SFMBT1: variants seen among roughly 807,000 people sequenced by gnomAD.
SFMBT1 encodes scm-like with four MBT domains protein 1.
Under a neutral mutation model 108.7 loss-of-function variants are expected in SFMBT1, and 32 were observed. The observed-to-expected ratio is 0.29, with a 90% CI of 0.22 to 0.40. The LOEUF is 0.40. Ranked by LOEUF, SFMBT1 falls within the 10% of genes least tolerant of loss-of-function variation. The pLI is 1.00. For missense variants in SFMBT1, 816 were observed against 1,059.6 expected (o/e 0.77, Z 3.19); for synonymous variants, 348 against 369.5 (o/e 0.94, Z 0.67).
At chr3:52,981,798 T>G (rs1430579816) in intron 1 of SFMBT1, among the ~76,000 whole-genome samples, 1 of 152,120 alleles carries the variant, frequency 6.6e-6, no homozygotes, top group East Asian at 1.9e-4. Context: ...ATAGGCTAAC[T>G]TGACTATTTT....
chr3:53,016,249 T>TAC (rs1699120553), intron 1 of SFMBT1, among the ~76,000 whole-genome samples: 1 of 152,034 alleles, frequency 6.6e-6, no homozygotes, highest in Non-Finnish European at 1.5e-5. Context: ...CACCAGACAC[T>TAC]ACTACACTCT....
At chr3:52,906,979 A>AT (rs1702079226) in intron 19 of SFMBT1, 90 bp downstream of exon 19, 2 of 1,451,536 alleles carry the variant, frequency 1.4e-6, no homozygotes, top group Admixed American at 2.3e-5. Flanking sequence ...GTATTGAAAG[A>AT]AGTAGAATGT....
chr3:53,036,759 G>A (rs1234831947), intron 1 of SFMBT1, among the ~76,000 whole-genome samples: 2 of 152,224 alleles, frequency 1.3e-5, no homozygotes, highest in Non-Finnish European at 2.9e-5. Flanking sequence ...AGAAAGGTCT[G>A]CCTCAAGACA....
rs147844858 is a variant in SFMBT1 at position 53,034,913 on chromosome 3, T to G, written c.-131+10903A>C. Among the ~76,000 whole-genome samples the G allele has an allele frequency of 6.6e-4, 101 of 152,378 alleles. 1 individual carries two copies. The highest frequency in any genetic ancestry group is 2.3e-3 in the African/African-American group (97 of 41,594). ...AAGATCGAGCCACTGCACTCCAGTC[T>G]GGGCGACAGAGCGAGACTCTGTCTC... On this transcript the variant is annotated intron_variant, in intron 1 of 20. Transcript: ENST00000394752.
At chr3:52,955,312 C>G (rs1703742857) in intron 2 of SFMBT1, among the ~76,000 whole-genome samples, 1 of 152,006 alleles carries the variant, frequency 6.6e-6, no homozygotes, top group Admixed American at 6.6e-5. Context: ...ACTCAGGAGA[C>G]TGAGTCAGGA....
intron 4 of SFMBT1, among the ~76,000 whole-genome samples, chr3:52,940,768 C>T (rs938234546): frequency 1.3e-5 from 2 of 152,192 alleles, no homozygotes; most frequent in African/African-American, 4.8e-5. Flanking sequence ...AAGACACTAA[C>T]TAAAAAGCAA....
chr3:52,960,412 T>C (rs372215207), intron 2 of SFMBT1, among the ~76,000 whole-genome samples: 1 of 152,264 alleles, frequency 6.6e-6, no homozygotes, highest in East Asian at 1.9e-4. Context: ...TTACTAATCA[T>C]TAGGGAAATG....
At chr3:53,037,409 G>A (rs1699901659) in intron 1 of SFMBT1, among the ~76,000 whole-genome samples, 1 of 152,198 alleles carries the variant, frequency 6.6e-6, no homozygotes, top group Non-Finnish European at 1.5e-5. Context: ...GAAGATCTAA[G>A]CCTGTTTCCC....
chr3:52,928,653 TACACATATATACATATATACACACACAC>T (rs1702759484), intron 8 of SFMBT1, among the ~76,000 whole-genome samples: 1 of 18,034 alleles, frequency 5.5e-5, no homozygotes, highest in African/African-American at 1.0e-4. Context: ...TATATATATA[TACACATATATACATATATACACACACAC>T]ACATATATAT....
intron 1 of SFMBT1, among the ~76,000 whole-genome samples, chr3:53,030,703 A>AC (rs1699656218): frequency 6.6e-6 from 1 of 151,414 alleles, no homozygotes; most frequent in Admixed American, 6.6e-5. Flanking sequence ...AAAAAAAAAA[A>AC]AAATCTACTT....
rs997739173 is a variant in SFMBT1 at position 52,904,426 on chromosome 3, T to G, written c.*710A>C. ...AATGTTTTTAAGAAAGCAAACAGTT[T>G]CCCCCCCTCCAAATTCTGTCATAAT... On this transcript the variant is annotated 3_prime_UTR_variant, in exon 21 of 21. Coordinates refer to ENST00000394752, the MANE Select transcript of SFMBT1 (RefSeq NM_016329.4). The G allele has an allele frequency of 2.6e-5, 4 of 151,892 alleles. No individual in the cohort carries two copies. The highest frequency in any genetic ancestry group is 1.3e-4 in the Admixed American group (2 of 15,236). 9.4% of individuals were successfully genotyped at this position (151,892 alleles called of 1,614,324 possible). A position where few individuals can be genotyped will look rare whatever the true frequency, so the allele number is the denominator to read the frequency against.
chr3:52,910,732 G>T (rs987354825), intron 17 of SFMBT1, among the ~76,000 whole-genome samples: 2 of 151,938 alleles, frequency 1.3e-5, no homozygotes, highest in Non-Finnish European at 2.9e-5. Context: ...CAAGTGATCC[G>T]CCTGCCTCGG....
intron 1 of SFMBT1, among the ~76,000 whole-genome samples, chr3:53,031,175 G>T (rs1699672814): frequency 6.6e-6 from 1 of 152,172 alleles, no homozygotes; most frequent in Non-Finnish European, 1.5e-5. Flanking sequence ...ATTAACAACA[G>T]TGGGAGGCAA....
intron 4 of SFMBT1, among the ~76,000 whole-genome samples, chr3:52,942,618 T>C (rs1403033318): frequency 6.6e-6 from 1 of 152,224 alleles, no homozygotes; most frequent in Non-Finnish European, 1.5e-5. Flanking sequence ...GTTCAAGTGA[T>C]TCTCCTGCCT....
At chr3:52,914,905 G>A (rs1702307241) in intron 14 of SFMBT1, among the ~76,000 whole-genome samples, 1 of 152,192 alleles carries the variant, frequency 6.6e-6, no homozygotes, top group African/African-American at 2.4e-5. Context: ...CCAGTTTTAT[G>A]TCTATTCTGG....
intron 8 of SFMBT1, chr3:52,928,635 T>TATATATAC (rs1445772533): frequency 1.2e-4 from 5 of 43,006 alleles, no homozygotes; most frequent in Non-Finnish European, 1.4e-4. Flanking sequence ...TACATATATA[T>TATATATAC]ACATATATAT....
At chr3:52,998,837 T>C (rs1698434369) in intron 1 of SFMBT1, among the ~76,000 whole-genome samples, 1 of 150,658 alleles carries the variant, frequency 6.6e-6, no homozygotes, top group African/African-American at 2.4e-5. Context: ...CAGCTACCAC[T>C]GCAAGGGCCT....
Position 53,004,246 on chromosome 3 carries a change from TTTC to T in SFMBT1, c.-130-34991_-130-34989del, listed in dbSNP as rs200845588. Among the ~76,000 whole-genome samples the T allele has an allele frequency of 5.2e-4, 53 of 102,142 alleles. 3 individuals carry two copies. Among genetic ancestry groups the T allele is most frequent in the African/African-American group, 1.5e-3 (42 of 28,532 alleles). 67.0% of individuals were successfully genotyped at this position (102,142 alleles called of 152,430 possible). On this transcript the variant is annotated intron_variant, in intron 1 of 20. Coordinates refer to ENST00000394752, the MANE Select transcript of SFMBT1 (RefSeq NM_016329.4). Reference sequence around the variant, plus strand: ...CCTCCCTCCCTTCCTCCTTCCCTTCTTTCTTCTTTCTCTCTCTCTCTCTCTCTC... The same window carrying T: ...CCTCCCTCCCTTCCTCCTTCCCTTCTTTCTTTCTCTCTCTCTCTCTCTCTC...
intron 10 of SFMBT1, 108 bp from the exon 11 acceptor site, chr3:52,921,939 T>C (rs1702531564): frequency 9.0e-7 from 1 of 1,105,584 alleles, no homozygotes; most frequent in South Asian, 1.4e-5. Context: ...GGTTTAAAGA[T>C]AACATTTATT....
Sources: allele counts gnomAD v4.1 joint callset (sites outside exome capture counted in the v4.1 genomes callset), GRCh38; gene constraint gnomAD v4.1.1; transcripts MANE v1.5; gene names NCBI Gene and HGNC (gene_info 2026-07-23, HGNC 2026-07-21).